RASD2: variants seen among roughly 807,000 people sequenced by gnomAD.
RASD2 encodes RASD family member 2.
Under a neutral mutation model 15.8 loss-of-function variants are expected in RASD2, and 7 were observed. The observed-to-expected ratio is 0.44, with a 90% CI of 0.25 to 0.83. The LOEUF (loss-of-function observed/expected upper bound fraction) is 0.83. Ranked by LOEUF, RASD2 falls within the 40% of genes least tolerant of loss-of-function variation. The probability of loss-of-function intolerance (pLI) is 0.20; values close to 1 mark genes in which losing one functional copy is unlikely to be tolerated. For missense variants in RASD2, 274 were observed against 382.8 expected (o/e 0.72, Z 2.37); for synonymous variants, 155 against 153.6 (o/e 1.01, Z -0.07).
chr22:35,546,599 T>G (rs1934508314), intron 1 of RASD2, among the ~76,000 whole-genome samples: 1 of 151,602 alleles, frequency 6.6e-6, no homozygotes, highest in Non-Finnish European at 1.5e-5. Context: ...GGATATTGAG[T>G]GAGTGAGTGG....
At chr22:35,538,989 T>C (rs117389117), upstream of RASD2, among the ~76,000 whole-genome samples, 141 of 152,314 alleles carry the variant, frequency 9.3e-4, 4 homozygotes, top group East Asian at 0.024. Flanking sequence ...CCAGGTGACT[T>C]TGGGCACATC....
At chr22:35,544,222 G>T (rs1344115184) in intron 1 of RASD2, among the ~76,000 whole-genome samples, 1 of 152,238 alleles carries the variant, frequency 6.6e-6, no homozygotes, top group Non-Finnish European at 1.5e-5. Flanking sequence ...CAAGCTGTCT[G>T]CAGAAGGACT....
Position 35,552,056 on chromosome 22 carries a change from T to C in RASD2, c.*24T>C, listed in dbSNP as rs1934685351. 6.3e-7 allele frequency: 1 copy of C among 1,580,958 alleles called. No homozygotes were observed. Among genetic ancestry groups the C allele is most frequent in the East Asian group, 2.2e-5 (1 of 44,508 alleles). ...GAGCGAGGGATGCTGGGGCGGGGCT[T>C]GGCCAGTGCCTTCAGGGAGGTGGCC... On this transcript the variant is annotated 3_prime_UTR_variant, in exon 3 of 3. Transcript: ENST00000216127.
chr22:35,536,227 A>T (rs989812755), upstream of RASD2, among the ~76,000 whole-genome samples: 1 of 152,020 alleles, frequency 6.6e-6, no homozygotes, highest in Non-Finnish European at 1.5e-5. Flanking sequence ...AAGGCAAGAG[A>T]CTCAGTTAGA....
At chr22:35,533,715 ATGG>A in the RASD2 span, among the ~76,000 whole-genome samples, 25 of 151,808 alleles carry the variant, frequency 1.6e-4, no homozygotes, top group South Asian at 4.2e-4. Flanking sequence ...GATGATGGTG[ATGG>A]TGATGATGAT....
intron 1 of RASD2, among the ~76,000 whole-genome samples, chr22:35,545,240 A>G (rs901563595): frequency 2.0e-5 from 3 of 152,182 alleles, no homozygotes; most frequent in South Asian, 2.1e-4. Flanking sequence ...ACTCGCACGC[A>G]GGCAATCTCT....
the RASD2 span, among the ~76,000 whole-genome samples, chr22:35,533,251 C>T: frequency 1.3e-5 from 2 of 152,188 alleles, no homozygotes; most frequent in Non-Finnish European, 2.9e-5. Flanking sequence ...ATAGTTTGCT[C>T]TGCGTGTTTC....
chr22:35,551,625 G>A lies in RASD2; in HGVS notation c.394G>A (p.Glu132Lys). 6.2e-7 allele frequency: 1 copy of A among 1,614,168 alleles called. No individual in the cohort carries two copies. Among genetic ancestry groups the A allele is most frequent in the Non-Finnish European group, 8.5e-7 (1 of 1,180,030 alleles). ...CLKNKTKEAA[E>K]LPMVICGNKN... ...GAAGAACAAGACCAAGGAGGCGGCG[G>A]AGCTGCCCATGGTCATCTGTGGCAA... The change falls in exon 3 of 3, where the codon GAG (glutamate) becomes AAG (lysine). Residue 132 changes from glutamate (E) to lysine (K), a missense_variant. Transcript: ENST00000216127. The surrounding 1 kb of genome is among the most constrained non-coding windows in gnomAD (Gnocchi z 4.9).
rs1479086772 is a variant in RASD2, at chr22:35,547,093, G to A, written c.271+13G>A. 33 of 1,607,612 alleles carry A rather than the reference G, an allele frequency of 2.1e-5. No individual in the cohort carries two copies. The highest frequency in any genetic ancestry group is 2.7e-5 in the African/African-American group (2 of 74,866). ...TCCATCCTCACAGGTGAGGCCCACT[G>A]GTGCCTGGGCTGGGGCGGCAGGGCC... On this transcript the variant is annotated intron_variant, in intron 2 of 2. Coordinates refer to ENST00000216127, the MANE Select transcript of RASD2 (RefSeq NM_014310.4).
At chr22:35,543,353 T>C (rs995508055) in intron 1 of RASD2, among the ~76,000 whole-genome samples, 5 of 152,220 alleles carry the variant, frequency 3.3e-5, no homozygotes, top group African/African-American at 1.2e-4. Context: ...GAGCCTCCTC[T>C]CTCTGATTCC....
rs1014580437 is a variant in RASD2 at position 35,552,171 on chromosome 22, G to A, written c.*139G>A. On this transcript the variant is annotated 3_prime_UTR_variant, in exon 3 of 3. Coordinates refer to ENST00000216127, the MANE Select transcript of RASD2 (RefSeq NM_014310.4). ...GGCACCAGACTGGAGGCCCCCGGGC[G>A]CTGGCCTCCGCACATTCGTCTGCCT... 10 of 1,093,184 alleles carry A rather than the reference G, an allele frequency of 9.1e-6. No homozygotes were observed. The African/African-American group carries it at 9.5e-5, about 10-fold the overall frequency. 67.7% of individuals were successfully genotyped at this position (1,093,184 alleles called of 1,614,324 possible). A position where few individuals can be genotyped will look rare whatever the true frequency, so the allele number is the denominator to read the frequency against.
chr22:35,549,213 C>T (rs1026241515), intron 2 of RASD2, among the ~76,000 whole-genome samples: 11 of 151,936 alleles, frequency 7.2e-5, no homozygotes, highest in Admixed American at 2.6e-4. Flanking sequence ...TCCGGGCCTC[C>T]GTGACTACAC....
At chr22:35,542,802 G>A (rs1472833114) in intron 1 of RASD2, among the ~76,000 whole-genome samples, 2 of 152,214 alleles carry the variant, frequency 1.3e-5, no homozygotes, top group East Asian at 3.8e-4. Context: ...AGAGGCTCAA[G>A]GGAGAAGTGG....
At chr22:35,544,491 C>A (rs1934444299) in intron 1 of RASD2, among the ~76,000 whole-genome samples, 2 of 152,258 alleles carry the variant, frequency 1.3e-5, no homozygotes, top group Admixed American at 1.3e-4. Flanking sequence ...GAGAAGGTCC[C>A]AGAGTGGGGC....
intron 2 of RASD2, among the ~76,000 whole-genome samples, chr22:35,548,603 T>C (rs867846775): frequency 1.3e-5 from 2 of 152,204 alleles, no homozygotes; most frequent in African/African-American, 2.4e-5. Flanking sequence ...GCTGCCGCCT[T>C]GAGGCCAAGA....
chr22:35,542,889 C>T (rs9622224), intron 1 of RASD2, among the ~76,000 whole-genome samples: 14,161 of 152,090 alleles, frequency 0.093, 2,213 homozygotes, highest in African/African-American at 0.32. Context: ...GCCCCCTTTC[C>T]GCTCCGCTGC....
chr22:35,545,142 G>T (rs1934462144), intron 1 of RASD2, among the ~76,000 whole-genome samples: 1 of 152,294 alleles, frequency 6.6e-6, no homozygotes, highest in South Asian at 2.1e-4. Context: ...TGGCAATAGG[G>T]CTTTTAACAA....
upstream of RASD2, among the ~76,000 whole-genome samples, chr22:35,537,368 A>G (rs1415246324): frequency 6.6e-6 from 1 of 152,238 alleles, no homozygotes; most frequent in Non-Finnish European, 1.5e-5. Flanking sequence ...TGAGAATAAA[A>G]GGATGAATCA....
At chr22:35,533,023 G>A in the RASD2 span, among the ~76,000 whole-genome samples, 1 of 152,198 alleles carries the variant, frequency 6.6e-6, no homozygotes, top group Non-Finnish European at 1.5e-5. Flanking sequence ...ACCTGTCTGA[G>A]CCTCAGTCTC....
Sources: allele counts gnomAD v4.1 joint callset (sites outside exome capture counted in the v4.1 genomes callset), GRCh38; gene constraint gnomAD v4.1.1; non-coding constraint Gnocchi (gnomAD v3.1); transcripts MANE v1.5; gene names NCBI Gene and HGNC (gene_info 2026-07-23, HGNC 2026-07-21).